PHKB: variants seen among roughly 807,000 people sequenced by gnomAD.
The protein encoded by PHKB is phosphorylase kinase regulatory subunit beta.
A neutral mutation model predicts 152.1 loss-of-function variants in PHKB; 122 were observed. The observed-to-expected ratio is 0.80, with a 90% CI of 0.69 to 0.93. The LOEUF is 0.93. PHKB is among the 40% of genes least tolerant of loss of function. The pLI is 0.00. For missense variants in PHKB, 1,304 were observed against 1,328.4 expected, an observed-to-expected ratio of 0.98 and a Z score of 0.29; for synonymous variants, 436 against 464.9, an observed-to-expected ratio of 0.94 and a Z score of 0.80.
At chr16:47,471,756 T>C (rs920970504) in intron 1 of PHKB, among the ~76,000 whole-genome samples, 2 of 152,208 alleles carry the variant, frequency 1.3e-5, no homozygotes, top group African/African-American at 4.8e-5. Flanking sequence ...GTTTATTGAA[T>C]CAGAGGTATA....
At chr16:47,614,596 G>A (rs183770382) in intron 14 of PHKB, among the ~76,000 whole-genome samples, 78 of 152,304 alleles carry the variant, frequency 5.1e-4, no homozygotes, top group African/African-American at 1.6e-3. Flanking sequence ...CAAAAGTGCA[G>A]TGGTATCATT....
At chr16:47,545,213 T>G (rs1463685531) in intron 6 of PHKB, among the ~76,000 whole-genome samples, 42 of 152,326 alleles carry the variant, frequency 2.8e-4, no homozygotes, top group Non-Finnish European at 1.5e-5. Context: ...TCTGGCATGT[T>G]TTTGGAGTGG....
chr16:47,582,419 A>C (rs1289230943), intron 8 of PHKB, among the ~76,000 whole-genome samples: 1 of 152,170 alleles, frequency 6.6e-6, no homozygotes, highest in Non-Finnish European at 1.5e-5. Context: ...TAATTCTAAA[A>C]TCGCTAAATT....
At chr16:47,644,487 A>G (rs1973081636) in intron 16 of PHKB, among the ~76,000 whole-genome samples, 1 of 152,220 alleles carries the variant, frequency 6.6e-6, no homozygotes, top group Non-Finnish European at 1.5e-5. Flanking sequence ...AGATGTGTGC[A>G]CTATGTCAGT....
At chr16:47,620,764 C>T (rs1413154646) in intron 14 of PHKB, among the ~76,000 whole-genome samples, 1 of 152,034 alleles carries the variant, frequency 6.6e-6, no homozygotes. Flanking sequence ...GTCCCAGCTA[C>T]TCGGGAGGCT....
At chr16:47,565,662 C>T in intron 7 of PHKB, 1 of 1,239,592 alleles carries the variant, frequency 8.1e-7, no homozygotes, top group Non-Finnish European at 1.2e-6. Context: ...TGTCCTCGAC[C>T]ATCCCTGTTC....
intron 1 of PHKB, among the ~76,000 whole-genome samples, chr16:47,495,484 T>A (rs1034310476): frequency 6.6e-6 from 1 of 152,186 alleles, no homozygotes; most frequent in Admixed American, 6.5e-5. Flanking sequence ...CTAATAGAGA[T>A]CTAAATAAAA....
chr16:47,671,628 T>C (rs1973639775), intron 26 of PHKB, among the ~76,000 whole-genome samples: 2 of 152,328 alleles, frequency 1.3e-5, no homozygotes, highest in South Asian at 2.1e-4. Context: ...CAAAATCACA[T>C]GTGAAAAATG....
In PHKB at chr16:47,463,977, C is replaced by T. The variant is rs1309211439; in HGVS notation, c.76+2551C>T. 15 of 1,612,716 alleles carry T rather than the reference C, an allele frequency of 9.3e-6. No homozygotes were observed. Among genetic ancestry groups the T allele is most frequent in the East Asian group, 2.2e-5 (1 of 44,880 alleles). ...CTGATGCAGTCGTCTCTCCGTCTTC[C>T]GCTTTCTTAAGGTCTGGTAAGTGTT... On this transcript the variant is annotated intron_variant, in intron 1 of 30. Transcript: ENST00000323584.
At chr16:47,485,607 C>G (rs976141508) in intron 1 of PHKB, among the ~76,000 whole-genome samples, 1 of 152,160 alleles carries the variant, frequency 6.6e-6, no homozygotes, top group African/African-American at 2.4e-5. Context: ...AACTTCACTG[C>G]TTTCTTTGGT....
intron 8 of PHKB, among the ~76,000 whole-genome samples, chr16:47,586,233 A>G (rs1158246565): frequency 1.3e-5 from 2 of 152,124 alleles, no homozygotes; most frequent in African/African-American, 4.8e-5. Context: ...CTTGTTCAGG[A>G]CTGTTGCCTG....
intron 1 of PHKB, among the ~76,000 whole-genome samples, chr16:47,480,890 A>T (rs1969952648): frequency 6.6e-6 from 1 of 152,222 alleles, no homozygotes. Flanking sequence ...ATTTTAAGCC[A>T]AACTAGATGG....
chr16:47,694,110 T>C (rs770060106), intron 28 of PHKB, among the ~76,000 whole-genome samples: 1 of 152,148 alleles, frequency 6.6e-6, no homozygotes, highest in Non-Finnish European at 1.5e-5. Context: ...TGCAGTAACT[T>C]TTTAGGTCAT....
chr16:47,487,731 T>A (rs1970073664), intron 1 of PHKB, among the ~76,000 whole-genome samples: 1 of 152,242 alleles, frequency 6.6e-6, no homozygotes. Context: ...TTGCTTAGAA[T>A]AACAGCCTCC....
At chr16:47,479,119 CG>C (rs1969920573) in intron 1 of PHKB, among the ~76,000 whole-genome samples, 4 of 151,928 alleles carry the variant, frequency 2.6e-5, no homozygotes, top group Admixed American at 2.6e-4. Context: ...CATTGACTGT[CG>C]GGGGAGTTAG....
intron 1 of PHKB, chr16:47,464,243 TC>T (rs1343126735): frequency 7.7e-6 from 4 of 518,848 alleles, no homozygotes; most frequent in Non-Finnish European, 1.4e-5. Context: ...CAGAGGCAGT[TC>T]CTTAGTGTCT....
At chr16:47,487,424 T>C (rs1567275683) in intron 1 of PHKB, among the ~76,000 whole-genome samples, 5 of 148,786 alleles carry the variant, frequency 3.4e-5, no homozygotes, top group African/African-American at 1.0e-4. Context: ...TATATATATA[T>C]ATATATTTTT....
intron 1 of PHKB, among the ~76,000 whole-genome samples, chr16:47,487,156 A>G (rs1310531618): frequency 6.6e-6 from 1 of 152,222 alleles, no homozygotes; most frequent in African/African-American, 2.4e-5. Context: ...ATCTGAAAGT[A>G]TGTTGTTTGT....
chr16:47,635,866 C>T (rs1972910164), intron 14 of PHKB, among the ~76,000 whole-genome samples: 1 of 152,210 alleles, frequency 6.6e-6, no homozygotes, highest in East Asian at 1.9e-4. Flanking sequence ...TTTGATAAAG[C>T]ACTTAAGCAG....
Sources: gnomAD v4.1 joint callset for allele counts (sites outside exome capture counted in the v4.1 genomes callset) on GRCh38, gnomAD v4.1.1 for gene constraint, MANE v1.5 for transcripts, NCBI Gene and HGNC (gene_info 2026-07-23, HGNC 2026-07-21) for gene names.